The following C10orf67 variants were observed in gnomAD, a reference collection of about 807,000 sequenced individuals.
C10orf67 encodes uncharacterized protein C10orf67, mitochondrial.
A neutral mutation model predicts 35.6 loss-of-function variants in C10orf67; 60 were observed. That is an observed-to-expected ratio of 1.68 (90% CI 1.37 to 2.09). The LOEUF (loss-of-function observed/expected upper bound fraction) is 2.09. C10orf67 is among the 30% of genes most tolerant of loss of function. The probability of loss-of-function intolerance (pLI) is 0.00; values close to 1 mark genes in which losing one functional copy is unlikely to be tolerated. For missense variants in C10orf67, 474 were observed against 330.2 expected (o/e 1.44, Z -3.38); for synonymous variants, 167 against 115.8 (o/e 1.44, Z -2.84).
intron 10 of C10orf67, among the ~76,000 whole-genome samples, chr10:23,263,909 C>A (rs955116286): frequency 2.6e-5 from 4 of 152,148 alleles, no homozygotes; most frequent in African/African-American, 9.7e-5. Context: ...AGCTAATGTT[C>A]ATATCGTATT....
chr10:23,301,825 G>A (rs984119841), intron 5 of C10orf67, among the ~76,000 whole-genome samples: 3 of 152,244 alleles, frequency 2.0e-5, no homozygotes, highest in East Asian at 1.9e-4. Context: ...GGCCATGGAA[G>A]AGAACCGTGG....
At chr10:23,305,591 T>C (rs1844244634) in intron 4 of C10orf67, among the ~76,000 whole-genome samples, 1 of 152,188 alleles carries the variant, frequency 6.6e-6, no homozygotes, top group Admixed American at 6.5e-5. Flanking sequence ...ATCAGGAAGA[T>C]GCAAATCAAA....
At chr10:23,212,664 A>T (rs991145697) in intron 15 of C10orf67, among the ~76,000 whole-genome samples, 1 of 152,026 alleles carries the variant, frequency 6.6e-6, no homozygotes, top group African/African-American at 2.4e-5. Context: ...AGTCTTTAGG[A>T]CCCTTCATGT....
intron 10 of C10orf67, among the ~76,000 whole-genome samples, chr10:23,253,856 C>T (rs998569318): frequency 2.0e-5 from 3 of 152,072 alleles, no homozygotes; most frequent in South Asian, 2.1e-4. Flanking sequence ...ATGAAGATAA[C>T]GTCTCTTTTC....
chr10:23,254,948 T>C (rs1005098734), intron 10 of C10orf67, among the ~76,000 whole-genome samples: 1 of 152,214 alleles, frequency 6.6e-6, no homozygotes, highest in Non-Finnish European at 1.5e-5. Flanking sequence ...TATATTACCA[T>C]TAAAGTAGTC....
At chr10:23,292,591 T>C (rs1843753680) in intron 5 of C10orf67, among the ~76,000 whole-genome samples, 1 of 152,166 alleles carries the variant, frequency 6.6e-6, no homozygotes, top group South Asian at 2.1e-4. Context: ...GTTAAGGATA[T>C]GTGGAAGTAA....
At chr10:23,226,639 A>C (rs988476266) in intron 13 of C10orf67, among the ~76,000 whole-genome samples, 1 of 152,200 alleles carries the variant, frequency 6.6e-6, no homozygotes, top group Admixed American at 6.5e-5. Context: ...CAAAAAATCA[A>C]TGAATCCAGG....
At chr10:23,297,710 T>C (rs916294226) in intron 5 of C10orf67, among the ~76,000 whole-genome samples, 3 of 152,240 alleles carry the variant, frequency 2.0e-5, no homozygotes, top group Non-Finnish European at 2.9e-5. Context: ...ACAGTTATGT[T>C]CTATCTTTTC....
rs773334239 is a variant in C10orf67 at position 23,291,113 on chromosome 10, A to C, written c.850+19T>G. The C allele has an allele frequency of 4.7e-5, 33 of 696,538 alleles. No homozygotes were observed. Among genetic ancestry groups the C allele is most frequent in the Non-Finnish European group, 6.3e-5 (24 of 378,466 alleles). 43.1% of individuals were successfully genotyped at this position (696,538 alleles called of 1,614,324 possible). ...GACCAATATACAGATTTTTCTCAAA[A>C]GTGATTTCAAAATGTTACCTAATCC... On this transcript the variant is annotated intron_variant, in intron 6 of 15. Transcript: ENST00000636213.
In C10orf67 at chr10:23,225,186, C is replaced by T. The variant is rs541491516; in HGVS notation, c.1435-1368G>A. Among the ~76,000 whole-genome samples, 8 of 152,312 alleles carry T rather than the reference C, an allele frequency of 5.3e-5. No homozygotes were observed. The East Asian group carries it at 9.6e-4, about 18-fold the overall frequency. ...AGCGGATCTCTCGGCAGAAACTCTA[C>T]AAGCCAGAAGAGAGTAGGGGCCAAT... On this transcript the variant is annotated intron_variant, in intron 13 of 15. Transcript: ENST00000636213.
intron 7 of C10orf67, among the ~76,000 whole-genome samples, chr10:23,288,095 T>C (rs1843601885): frequency 6.6e-6 from 1 of 152,180 alleles, no homozygotes; most frequent in South Asian, 2.1e-4. Flanking sequence ...GAAATACCAT[T>C]TGAACCAGCA....
intron 13 of C10orf67, among the ~76,000 whole-genome samples, chr10:23,234,129 C>A (rs1470713235): frequency 1.3e-5 from 2 of 152,064 alleles, no homozygotes; most frequent in Non-Finnish European, 2.9e-5. Context: ...TCCTGCAAGA[C>A]CTAAAAACAG....
At position 23,289,961 on chromosome 10, in the gene C10orf67, G is replaced by A. The variant is rs1314856853; in HGVS notation, c.851-3C>T. 5 of 716,398 alleles carry A rather than the reference G, an allele frequency of 7.0e-6. No homozygotes were observed. The highest frequency in any genetic ancestry group is 1.3e-5 in the Non-Finnish European group (5 of 384,710). The allele number at this position is 716,398 out of a possible 1,614,324, so 44.4% of individuals were successfully genotyped here. Reference sequence around the variant, plus strand: ...TTTCATACTTATAAGTTCATCTTCTGTAAACAAAAGGAGAGAGAGGCCAAC... The same window carrying A: ...TTTCATACTTATAAGTTCATCTTCTATAAACAAAAGGAGAGAGAGGCCAAC... On this transcript the variant is annotated splice_polypyrimidine_tract_variant and splice_region_variant and intron_variant, in intron 6 of 15. Coordinates refer to ENST00000636213, the MANE Select transcript of C10orf67 (RefSeq NM_001371909.1).
intron 4 of C10orf67, chr10:23,316,604 T>C (rs1008213337): frequency 1.3e-5 from 2 of 152,128 alleles, no homozygotes; most frequent in African/African-American, 4.8e-5. Flanking sequence ...GGCAAAGAGG[T>C]GCTTTATTGA....
At chr10:23,325,546 A>AAAC (rs1554816917) in intron 2 of C10orf67, among the ~76,000 whole-genome samples, 9 of 143,056 alleles carry the variant, frequency 6.3e-5, no homozygotes, top group African/African-American at 7.8e-5. Flanking sequence ...AAAAAAAAAA[A>AAAC]CAAAAAACAA....
At chr10:23,303,656 A>G (rs902469509) in intron 4 of C10orf67, among the ~76,000 whole-genome samples, 197 bp from the exon 5 acceptor site, 1 of 152,268 alleles carries the variant, frequency 6.6e-6, no homozygotes, top group Non-Finnish European at 1.5e-5. Context: ...ATTGAAATAT[A>G]TGCTTAAAAA....
rs1842419276 is a variant in C10orf67 at position 23,250,523 on chromosome 10, A to T, written c.1281-3T>A. On this transcript the variant is annotated splice_region_variant and splice_polypyrimidine_tract_variant and intron_variant, in intron 11 of 15. Coordinates refer to ENST00000636213, the MANE Select transcript of C10orf67 (RefSeq NM_001371909.1). The stretch of plus-strand genomic sequence containing the variant: ...GTCGATCAGCTTCCTTCCTAAACCT[A>T]TAAAAAATTTACAGATGGTTAAATA... 1.0e-5 allele frequency: 4 copies of T among 398,588 alleles called. No homozygotes were observed. The East Asian group carries it at 1.4e-4, about 14-fold the overall frequency. 24.7% of individuals were successfully genotyped at this position (398,588 alleles called of 1,614,324 possible).
At chr10:23,238,527 C>T (rs944100247) in intron 13 of C10orf67, among the ~76,000 whole-genome samples, 4 of 152,192 alleles carry the variant, frequency 2.6e-5, no homozygotes, top group Non-Finnish European at 5.9e-5. Context: ...AGGAAAAATA[C>T]TGGATCTACT....
chr10:23,298,941 C>T (rs1843980447), intron 5 of C10orf67, among the ~76,000 whole-genome samples: 1 of 152,170 alleles, frequency 6.6e-6, no homozygotes, highest in African/African-American at 2.4e-5. Flanking sequence ...TAGATGGGGG[C>T]TATTCCTGAA....
Sources: gnomAD v4.1 joint callset for allele counts (sites outside exome capture counted in the v4.1 genomes callset) on GRCh38, gnomAD v4.1.1 for gene constraint, MANE v1.5 for transcripts, NCBI Gene and HGNC (gene_info 2026-07-23, HGNC 2026-07-21) for gene names.